SOHLH2: variants seen among roughly 807,000 people sequenced by gnomAD.
The protein encoded by SOHLH2 is spermatogenesis- and oogenesis-specific basic helix-loop-helix-containing protein 2.
SOHLH2 carries 22 observed loss-of-function variants against 50.4 expected under a neutral mutation model. The ratio of observed to expected loss-of-function variants is 0.44; its 90% confidence interval spans 0.31 to 0.62. SOHLH2 has a LOEUF of 0.62. Ranked by LOEUF, SOHLH2 falls within the 20% of genes least tolerant of loss-of-function variation. The probability of loss-of-function intolerance (pLI) is 0.08; values close to 1 mark genes in which losing one functional copy is unlikely to be tolerated. For synonymous variants in SOHLH2, 185 were observed against 187.3 expected (o/e 0.99, Z 0.10); for missense variants, 412 against 504.4 (o/e 0.82, Z 1.76).
Position 36,169,060 on chromosome 13 carries a change from A to G in SOHLH2, c.1258-6T>C. On this transcript the variant is annotated splice_polypyrimidine_tract_variant and splice_region_variant and intron_variant, in intron 10 of 10. Coordinates refer to ENST00000379881, the MANE Select transcript of SOHLH2 (RefSeq NM_017826.3). ...TAATACGCCCAAAACTGTTGCTGCA[A>G]AGAAGGGGGAAAAACCCACATTAAT... The G allele has an allele frequency of 6.2e-7, 1 of 1,606,808 alleles. No individual in the cohort carries two copies. The highest frequency in any genetic ancestry group is 1.3e-5 in the African/African-American group (1 of 74,760).
At chr13:36,210,616 T>C (rs1869061084) in intron 1 of SOHLH2, among the ~76,000 whole-genome samples, 1 of 152,212 alleles carries the variant, frequency 6.6e-6, no homozygotes, top group South Asian at 2.1e-4. Context: ...ACATCTGCTC[T>C]GGAGTTTGGG....
At chr13:36,174,920 TTG>T (rs1887061160) in intron 6 of SOHLH2, 51 bp from the exon 7 acceptor site, 1 of 1,526,336 alleles carries the variant, frequency 6.6e-7, no homozygotes, top group African/African-American at 1.4e-5. Flanking sequence ...ATTGTCTTCA[TTG>T]TACCCAAAGA....
At chr13:36,191,954 T>C (rs1887587180) in intron 4 of SOHLH2, 60 bp from the exon 5 acceptor site, 1 of 1,573,816 alleles carries the variant, frequency 6.4e-7, no homozygotes, top group Non-Finnish European at 8.7e-7. Context: ...ATGACGCTAA[T>C]CAAACACACA....
At chr13:36,197,892 C>T (rs887462483) in intron 2 of SOHLH2, among the ~76,000 whole-genome samples, 3 of 152,154 alleles carry the variant, frequency 2.0e-5, no homozygotes, top group African/African-American at 7.2e-5. Flanking sequence ...TCCACCAATT[C>T]GTAGGACAAA....
chr13:36,186,913 G>A (rs1367194199), intron 6 of SOHLH2, among the ~76,000 whole-genome samples: 1 of 152,070 alleles, frequency 6.6e-6, no homozygotes, highest in Non-Finnish European at 1.5e-5. Context: ...CATATGTAAA[G>A]CAGGTGAGTG....
In SOHLH2 at chr13:36,169,262, C is replaced by A. The variant is rs140542754; in HGVS notation, c.1258-208G>T. On this transcript the variant is annotated intron_variant, in intron 10 of 10. Coordinates refer to ENST00000379881, the MANE Select transcript of SOHLH2 (RefSeq NM_017826.3). The stretch of plus-strand genomic sequence containing the variant: ...TCACAACAATTCAACAAAACCCACC[C>A]AGAGTAAGTATAGGTCAACAATTAA... Among the ~76,000 whole-genome samples, 67 of 152,188 alleles carry A rather than the reference C, an allele frequency of 4.4e-4. No individual in the cohort carries two copies. The East Asian group carries it at 0.012, about 27-fold the overall frequency.
chr13:36,170,502 A>G (rs1223290990), intron 10 of SOHLH2, 29 bp downstream of exon 10: 10 of 1,607,046 alleles, frequency 6.2e-6, no homozygotes, highest in African/African-American at 1.3e-5. Context: ...AAAGGGTCCA[A>G]TCTGATCCAT....
At chr13:36,185,461 T>C (rs909205027) in intron 6 of SOHLH2, among the ~76,000 whole-genome samples, 2 of 151,842 alleles carry the variant, frequency 1.3e-5, no homozygotes, top group African/African-American at 4.8e-5. Context: ...AGCAAGACTC[T>C]GTCTCAAAAC....
At position 36,184,459 on chromosome 13, in the gene SOHLH2, C is replaced by CTTTT. The variant is rs764218457; in HGVS notation, c.641+5486_641+5487insAAAA. On this transcript the variant is annotated intron_variant, in intron 6 of 10. Transcript: ENST00000379881. ...TGATGGAAGTTTCTACCTACAAAGA[C>CTTTT]CTTTTTTTTTTTTTTTTTTTGAGAC... 2.1e-4 allele frequency among the ~76,000 whole-genome samples: 17 copies of CTTTT among 81,654 alleles called. 4 individuals carry two copies. The highest frequency in any genetic ancestry group is 3.4e-4 in the African/African-American group (7 of 20,404). The allele number at this position is 81,654 out of a possible 152,430, so 53.6% of individuals were successfully genotyped here. A position where few individuals can be genotyped will look rare whatever the true frequency, so the allele number is the denominator to read the frequency against.
chr13:36,196,983 T>C (rs1887751286), intron 2 of SOHLH2, among the ~76,000 whole-genome samples: 1 of 152,216 alleles, frequency 6.6e-6, no homozygotes, highest in African/African-American at 2.4e-5. Flanking sequence ...TTCTAGTTTC[T>C]AGGATCAACC....
chr13:36,179,330 T>C (rs1887183201), intron 6 of SOHLH2, among the ~76,000 whole-genome samples: 2 of 152,214 alleles, frequency 1.3e-5, no homozygotes, highest in African/African-American at 2.4e-5. Flanking sequence ...AATGGTATAT[T>C]GAGCATTGTC....
chr13:36,175,261 T>C (rs1330121299), intron 6 of SOHLH2, among the ~76,000 whole-genome samples: 2 of 152,200 alleles, frequency 1.3e-5, no homozygotes, highest in Non-Finnish European at 2.9e-5. Context: ...GTACATGATA[T>C]AAAAATCCTT....
rs1566043063 is a variant in SOHLH2, at chr13:36,196,128, T to TAA, written c.264-2262_264-2261insTT. On this transcript the variant is annotated intron_variant, in intron 2 of 10. Transcript: ENST00000379881. ...GATAGATAGATAGATAGATAGATAA[T>TAA]TTTTTTTTTTTTTTTGAGACAAGGT... Among the ~76,000 whole-genome samples, 249 of 98,198 alleles carry TAA rather than the reference T, an allele frequency of 2.5e-3. 1 individual carries two copies. The highest frequency in any genetic ancestry group is 0.011 in the African/African-American group (233 of 20,918). The allele number at this position is 98,198 out of a possible 152,430, so 64.4% of individuals were successfully genotyped here.
chr13:36,187,231 A>G (rs1887445770), intron 6 of SOHLH2, among the ~76,000 whole-genome samples: 1 of 152,180 alleles, frequency 6.6e-6, no homozygotes, highest in Non-Finnish European at 1.5e-5. Flanking sequence ...TAAAAAGAAA[A>G]CTAACACGTA....
chr13:36,183,141 A>G (rs2138282412), intron 6 of SOHLH2: 1 of 369,934 alleles, frequency 2.7e-6, no homozygotes, highest in Non-Finnish European at 5.8e-6. Flanking sequence ...TCCTGCCATG[A>G]TTGTAAGCTT....
At chr13:36,180,298 C>A (rs1427841001) in intron 6 of SOHLH2, among the ~76,000 whole-genome samples, 1 of 152,082 alleles carries the variant, frequency 6.6e-6, no homozygotes, top group African/African-American at 2.4e-5. Flanking sequence ...CCTTCACCAC[C>A]CCACTTATTT....
intron 8 of SOHLH2, among the ~76,000 whole-genome samples, chr13:36,174,087 T>C (rs1342559278): frequency 6.6e-6 from 1 of 152,198 alleles, no homozygotes; most frequent in East Asian, 1.9e-4. Flanking sequence ...ACTAATGACC[T>C]GCTTTAAGCA....
intron 6 of SOHLH2, among the ~76,000 whole-genome samples, chr13:36,188,826 T>A (rs1887497936): frequency 6.6e-6 from 1 of 152,134 alleles, no homozygotes; most frequent in Non-Finnish European, 1.5e-5. Context: ...CCCACAATCA[T>A]CCTATATCCA....
chr13:36,214,356 T>TC, intron 1 of SOHLH2, 123 bp downstream of exon 1: 3 of 1,203,156 alleles, frequency 2.5e-6, no homozygotes, highest in Non-Finnish European at 3.5e-6. Flanking sequence ...TGCTATTCGC[T>TC]CCCCACAGTT....
Sources: gnomAD v4.1 joint callset for allele counts (sites outside exome capture counted in the v4.1 genomes callset) on GRCh38, gnomAD v4.1.1 for gene constraint, MANE v1.5 for transcripts, NCBI Gene and HGNC (gene_info 2026-07-23, HGNC 2026-07-21) for gene names.